RBFOX1: variants seen among roughly 807,000 people sequenced by gnomAD.
RBFOX1 encodes the protein RNA binding fox-1 homolog 1, also known as RNA binding protein fox-1 homolog 1.
RBFOX1 carries 8 observed loss-of-function variants against 57.7 expected under a neutral mutation model. The observed-to-expected ratio is 0.14, with a 90% CI of 0.08 to 0.25. The LOEUF (loss-of-function observed/expected upper bound fraction) is 0.25. Among genes scored for constraint, RBFOX1 ranks in the 10% least tolerant of loss-of-function variants. The pLI is 1.00. For synonymous variants in RBFOX1, 326 were observed against 222.4 expected (o/e 1.47, Z -4.15); for missense variants, 611 against 548.5 (o/e 1.11, Z -1.14).
chr16:5,663,521 T>G (rs983429785), intron 3 of RBFOX1, among the ~76,000 whole-genome samples: 3 of 152,134 alleles, frequency 2.0e-5, no homozygotes, highest in Non-Finnish European at 4.4e-5. Context: ...TCCTATTGAA[T>G]AGCCAATTGA....
rs777633294 is a variant in RBFOX1 at position 5,563,550 on chromosome 16, G to A, written c.259-35352G>A. Reference sequence around the variant, plus strand: ...CTTCAGGAAACATTTTACAGTTAACGCACCTTGGTCATCAAATTTGATGCT... The same window carrying A: ...CTTCAGGAAACATTTTACAGTTAACACACCTTGGTCATCAAATTTGATGCT... On this transcript the variant is annotated intron_variant, in intron 2 of 2. Transcript: ENST00000585867. 6.6e-5 allele frequency among the ~76,000 whole-genome samples: 10 copies of A among 152,122 alleles called. No individual in the cohort carries two copies. The South Asian group carries it at 8.3e-4, about 13-fold the overall frequency.
chr16:6,895,446 GTGTATATATATATATATA>G (rs1330021229), intron 3 of RBFOX1, among the ~76,000 whole-genome samples: 15 of 57,100 alleles, frequency 2.6e-4, no homozygotes, highest in African/African-American at 1.1e-3. Context: ...GTGTGTGTGT[GTGTATATATATATATATA>G]TATATATATA....
intron 1 of RBFOX1, among the ~76,000 whole-genome samples, chr16:6,115,794 A>T (rs1307691565): frequency 6.6e-6 from 1 of 152,286 alleles, no homozygotes; most frequent in South Asian, 2.1e-4. Context: ...CCTGGTCTAC[A>T]TTACATATGA....
chr16:6,329,086 C>G (rs1015574126), intron 2 of RBFOX1, among the ~76,000 whole-genome samples: 1 of 152,200 alleles, frequency 6.6e-6, no homozygotes. Context: ...TGAAGTTAAT[C>G]TTTCCTTTCA....
chr16:7,163,660 T>A (rs2078856828), intron 4 of RBFOX1, among the ~76,000 whole-genome samples: 1 of 152,120 alleles, frequency 6.6e-6, no homozygotes, highest in African/African-American at 2.4e-5. Context: ...TTTTTTAATT[T>A]AAAAATTTAA....
At chr16:6,765,830 C>T (rs1008643110) in intron 3 of RBFOX1, among the ~76,000 whole-genome samples, 1 of 152,150 alleles carries the variant, frequency 6.6e-6, no homozygotes. Context: ...ATGTCTTTTG[C>T]AGCAACTTGG....
intron 3 of RBFOX1, among the ~76,000 whole-genome samples, chr16:6,779,777 A>T (rs376466345): frequency 4.1e-4 from 2 of 4,858 alleles, no homozygotes; most frequent in Non-Finnish European, 6.4e-4. Context: ...ATATATATTT[A>T]TATATATTTT....
chr16:6,717,114 G>T (rs576756626), intron 3 of RBFOX1, among the ~76,000 whole-genome samples: 4 of 152,212 alleles, frequency 2.6e-5, no homozygotes, highest in Admixed American at 2.0e-4. Context: ...TTGATCCTGG[G>T]ATTCCTAGAC....
intron 3 of RBFOX1, among the ~76,000 whole-genome samples, chr16:6,789,366 T>C (rs554312751): frequency 1.2e-4 from 19 of 152,282 alleles, no homozygotes; most frequent in Admixed American, 9.1e-4. Flanking sequence ...TTCCAGAATG[T>C]TACAATGTTA....
chr16:6,026,600 C>G (rs1010073518), intron 1 of RBFOX1, among the ~76,000 whole-genome samples: 4 of 152,204 alleles, frequency 2.6e-5, no homozygotes, highest in African/African-American at 9.7e-5. Context: ...TTGAGTTGCT[C>G]TGAGAAGTGA....
At chr16:6,822,947 A>G (rs2091552018) in intron 3 of RBFOX1, among the ~76,000 whole-genome samples, 2 of 152,230 alleles carry the variant, frequency 1.3e-5, no homozygotes, top group Non-Finnish European at 2.9e-5. Context: ...GATAACCATT[A>G]GAGTTCATGG....
chr16:5,458,684 G>A (rs2068702851), intron 1 of RBFOX1, among the ~76,000 whole-genome samples: 1 of 152,158 alleles, frequency 6.6e-6, no homozygotes, highest in South Asian at 2.1e-4. Context: ...ATAGGCAACT[G>A]GGTTTTAAGG....
chr16:5,370,927 C>T (rs1160058743), intron 1 of RBFOX1, among the ~76,000 whole-genome samples: 1 of 152,220 alleles, frequency 6.6e-6, no homozygotes, highest in Admixed American at 6.5e-5. Flanking sequence ...CCCAAATTCA[C>T]ATGTTGAATC....
intron 3 of RBFOX1, among the ~76,000 whole-genome samples, chr16:6,920,977 A>C (rs1216560594): frequency 1.3e-5 from 2 of 152,180 alleles, no homozygotes; most frequent in African/African-American, 2.4e-5. Flanking sequence ...TGGATTCTAT[A>C]GTTACTGGAT....
chr16:6,768,986 C>G (rs1603618513), intron 3 of RBFOX1, among the ~76,000 whole-genome samples: 2 of 152,224 alleles, frequency 1.3e-5, no homozygotes, highest in African/African-American at 2.4e-5. Flanking sequence ...CTCGGGCTCC[C>G]AAAGTGTTGA....
intron 1 of RBFOX1, among the ~76,000 whole-genome samples, chr16:6,215,299 G>C: frequency 7.0e-6 from 1 of 142,204 alleles, no homozygotes; most frequent in Non-Finnish European, 1.5e-5. Flanking sequence ...GGGAGAGGGA[G>C]AGAGGGAGAG....
chr16:6,846,526 G>A (rs933544359), intron 3 of RBFOX1, among the ~76,000 whole-genome samples: 2 of 152,168 alleles, frequency 1.3e-5, no homozygotes, highest in Non-Finnish European at 2.9e-5. Context: ...TAACATACCA[G>A]ACAGGGGAGG....
rs146043309 is a variant in RBFOX1 at position 7,572,166 on chromosome 16, C to G, written c.271-7611C>G. 5.3e-4 allele frequency among the ~76,000 whole-genome samples: 80 copies of G among 152,252 alleles called. 1 individual carries two copies. The highest frequency in any genetic ancestry group is 9.3e-4 in the Non-Finnish European group (63 of 68,032). ...GGTTATTAATACTGTTAATAATGAT[C>G]ACGATAATTATGTCCCCTCTTTATA... On this transcript the variant is annotated intron_variant, in intron 5 of 15. Coordinates refer to ENST00000550418, the MANE Select transcript of RBFOX1 (RefSeq NM_018723.4).
Position 6,809,109 on chromosome 16 carries a change from A to G in RBFOX1, c.-16+154459A>G, listed in dbSNP as rs1035125676. Among the ~76,000 whole-genome samples, 18 of 152,158 alleles carry G rather than the reference A, an allele frequency of 1.2e-4. 1 individual carries two copies. The highest frequency in any genetic ancestry group is 4.1e-4 in the African/African-American group (17 of 41,448). On this transcript the variant is annotated intron_variant, in intron 3 of 15. Coordinates refer to ENST00000550418, the MANE Select transcript of RBFOX1 (RefSeq NM_018723.4). ...GACTGCTAAGTGTTCAAAAAAGGCA[A>G]ACACCAACCTGTCACCAGTTCAGCT...
Sources: gnomAD v4.1 joint callset for allele counts (sites outside exome capture counted in the v4.1 genomes callset) on GRCh38, gnomAD v4.1.1 for gene constraint, MANE v1.5 for transcripts, NCBI Gene and HGNC (gene_info 2026-07-23, HGNC 2026-07-21) for gene names.